SEC62: variants seen among roughly 807,000 people sequenced by gnomAD.
SEC62 encodes the protein SEC62 preprotein translocation factor, also known as translocation protein SEC62.
SEC62 carries 10 observed loss-of-function variants against 47.5 expected under a neutral mutation model. The observed-to-expected ratio is 0.21, with a 90% CI of 0.13 to 0.36. The LOEUF (loss-of-function observed/expected upper bound fraction) is 0.36. Ranked by LOEUF, SEC62 falls within the 10% of genes least tolerant of loss-of-function variation. SEC62 has a pLI of 1.00. For synonymous variants in SEC62, 136 were observed against 150.5 expected, an observed-to-expected ratio of 0.90 and a Z score of 0.71; for missense variants, 327 against 464.1, an observed-to-expected ratio of 0.70 and a Z score of 2.71.
intron 4 of SEC62, 68 bp from the exon 5 acceptor site, chr3:169,983,093 T>G (rs1715020169): frequency 1.4e-6 from 2 of 1,468,718 alleles, no homozygotes; most frequent in Non-Finnish European, 1.9e-6. Flanking sequence ...GAAAGTTTTT[T>G]GACTGTATGA....
intron 1 of SEC62, among the ~76,000 whole-genome samples, chr3:169,967,700 C>T (rs979002305): frequency 3.9e-5 from 6 of 152,138 alleles, no homozygotes; most frequent in Non-Finnish European, 8.8e-5. Context: ...ACATCTTGGA[C>T]TCAGGATATT....
intron 7 of SEC62, among the ~76,000 whole-genome samples, chr3:169,991,774 A>C (rs193179899): frequency 1.3e-5 from 2 of 152,192 alleles, no homozygotes; most frequent in African/African-American, 4.8e-5. Flanking sequence ...ATCCAGGGCT[A>C]ATTTATCCTT....
Position 169,995,543 on chromosome 3 carries a change from T to TC in SEC62, c.*2486dup, listed in dbSNP as rs1261531768. On this transcript the variant is annotated 3_prime_UTR_variant, in exon 8 of 8. Coordinates refer to ENST00000337002, the MANE Select transcript of SEC62 (RefSeq NM_003262.4). The stretch of plus-strand genomic sequence containing the variant: ...TGCAGTGGTGATGAATTTTGGTGTT[T>TC]CCCCCCTCTTTCTGGTTTTACATCA... The TC allele has an allele frequency of 3.3e-5, 5 of 152,250 alleles. No homozygotes were observed. The highest frequency in any genetic ancestry group is 3.3e-4 in the Admixed American group (5 of 15,282). 9.4% of individuals were successfully genotyped at this position (152,250 alleles called of 1,614,324 possible). A position where few individuals can be genotyped will look rare whatever the true frequency, so the allele number is the denominator to read the frequency against.
chr3:169,981,363 A>G (rs1020307071), intron 3 of SEC62, among the ~76,000 whole-genome samples: 1 of 152,238 alleles, frequency 6.6e-6, no homozygotes, highest in African/African-American at 2.4e-5. Flanking sequence ...ACATAGAAAC[A>G]TAGGTGCTTC....
intron 1 of SEC62, among the ~76,000 whole-genome samples, chr3:169,973,891 A>G (rs1007900428): frequency 5.9e-5 from 9 of 152,200 alleles, no homozygotes; most frequent in Non-Finnish European, 8.8e-5. Flanking sequence ...GACTTGCGAA[A>G]TACAAAGGAA....
chr3:169,971,122 A>G (rs1714689587), intron 1 of SEC62, among the ~76,000 whole-genome samples: 1 of 150,948 alleles, frequency 6.6e-6, no homozygotes, highest in South Asian at 2.1e-4. Context: ...CCAGGCTGGA[A>G]TGCAGTGATG....
At chr3:169,966,924 C>T (rs1478493676) in intron 1 of SEC62, 66 bp downstream of exon 1, 25 of 1,518,690 alleles carry the variant, frequency 1.6e-5, no homozygotes, top group Non-Finnish European at 2.1e-5. Context: ...CGGGGAAAGC[C>T]CCCTAAAAGG....
chr3:169,996,954 T>A lies in SEC62; in HGVS notation c.*3891T>A, dbSNP rs555647643. Reference sequence around the variant, plus strand: ...AATTCCTAGGGAACAAAAATTCCAATGAGGAATTGACCTCTTTGTCAGATC... The same window carrying A: ...AATTCCTAGGGAACAAAAATTCCAAAGAGGAATTGACCTCTTTGTCAGATC... On this transcript the variant is annotated 3_prime_UTR_variant, in exon 8 of 8. Transcript: ENST00000337002. 3.3e-5 allele frequency: 5 copies of A among 152,224 alleles called. No homozygotes were observed. Among genetic ancestry groups the A allele is most frequent in the Non-Finnish European group, 7.3e-5 (5 of 68,044 alleles). 9.4% of individuals were successfully genotyped at this position (152,224 alleles called of 1,614,324 possible).
At chr3:169,982,659 G>A in intron 3 of SEC62, 48 bp from the exon 4 acceptor site, 2 of 1,591,808 alleles carry the variant, frequency 1.3e-6, no homozygotes, top group Non-Finnish European at 1.7e-6. Context: ...TTGCTTTTCA[G>A]TCTCTATCTA....
chr3:169,991,326 G>A (rs186801454), intron 7 of SEC62, among the ~76,000 whole-genome samples: 30 of 152,280 alleles, frequency 2.0e-4, no homozygotes, highest in Non-Finnish European at 2.4e-4. Context: ...GGAGGCTGAG[G>A]TGAGAGGATC....
intron 3 of SEC62, among the ~76,000 whole-genome samples, chr3:169,979,709 C>T (rs2108283445): frequency 6.6e-6 from 1 of 152,320 alleles, no homozygotes; most frequent in African/African-American, 2.4e-5. Flanking sequence ...GGCCCTCCAG[C>T]CTTCATCAGC....
At chr3:169,971,077 T>C (rs1006923749) in intron 1 of SEC62, among the ~76,000 whole-genome samples, 2 of 151,752 alleles carry the variant, frequency 1.3e-5, no homozygotes, top group Non-Finnish European at 2.9e-5. Flanking sequence ...ACTTTTTTTT[T>C]TTTTTTTTAA....
intron 6 of SEC62, 61 bp downstream of exon 6, chr3:169,985,926 G>C (rs747782970): frequency 8.9e-7 from 1 of 1,123,300 alleles, no homozygotes; most frequent in East Asian, 2.4e-5. Context: ...ACAATATGCA[G>C]ATACTGTAAA....
intron 2 of SEC62, 142 bp downstream of exon 2, chr3:169,975,858 T>G (rs771036864): frequency 1.4e-5 from 7 of 508,058 alleles, no homozygotes; most frequent in East Asian, 9.0e-5. Context: ...ATTCTGTTCT[T>G]TTCTTTTATG....
In SEC62 at chr3:169,969,273, T is replaced by C. The variant is rs778891293; in HGVS notation, c.36+2415T>C. Reference sequence around the variant, plus strand: ...AAAAAAAAGTAGCTAATTTGCTTTTTCTTTGTAATTCAGTATAATTTCAGA... The same window carrying C: ...AAAAAAAAGTAGCTAATTTGCTTTTCCTTTGTAATTCAGTATAATTTCAGA... On this transcript the variant is annotated intron_variant, in intron 1 of 7. Coordinates refer to ENST00000337002, the MANE Select transcript of SEC62 (RefSeq NM_003262.4). 6.6e-6 allele frequency: 3 copies of C among 454,696 alleles called. No homozygotes were observed. The East Asian group carries it at 2.1e-4, about 32-fold the overall frequency. 28.2% of individuals were successfully genotyped at this position (454,696 alleles called of 1,614,324 possible). A position where few individuals can be genotyped will look rare whatever the true frequency, so the allele number is the denominator to read the frequency against.
Position 169,975,597 on chromosome 3 carries a change from A to C in SEC62, c.37-11A>C, listed in dbSNP as rs1714817553. On this transcript the variant is annotated splice_polypyrimidine_tract_variant and intron_variant, in intron 1 of 7. Transcript: ENST00000337002. ...ATATGATTATACTAAATTAATATTC[A>C]TATGTTGCAGGAAGTTGGTGAACCA... 1 of 1,525,728 alleles carries C rather than the reference A, an allele frequency of 6.6e-7. No individual in the cohort carries two copies. Among genetic ancestry groups the C allele is most frequent in the South Asian group, 1.1e-5 (1 of 89,150 alleles). 94.5% of individuals were successfully genotyped at this position (1,525,728 alleles called of 1,614,324 possible).
rs1422965554 is a variant in SEC62 at position 169,996,733 on chromosome 3, T to G, written c.*3670T>G. 4 of 152,374 alleles carry G rather than the reference T, an allele frequency of 2.6e-5. No homozygotes were observed. Among genetic ancestry groups the G allele is most frequent in the Non-Finnish European group, 4.4e-5 (3 of 68,166 alleles). The allele number at this position is 152,374 out of a possible 1,614,324, so 9.4% of individuals were successfully genotyped here. A position where few individuals can be genotyped will look rare whatever the true frequency, so the allele number is the denominator to read the frequency against. On this transcript the variant is annotated 3_prime_UTR_variant, in exon 8 of 8. Transcript: ENST00000337002. Reference sequence around the variant, plus strand: ...GGTCACTTCTCCCAAACTCCTTCCCTGCTTTCCAGGTTGCCAGTCCCTGCA... The same window carrying G: ...GGTCACTTCTCCCAAACTCCTTCCCGGCTTTCCAGGTTGCCAGTCCCTGCA...
At chr3:169,983,064 T>C in intron 4 of SEC62, 97 bp from the exon 5 acceptor site, 2 of 1,455,198 alleles carry the variant, frequency 1.4e-6, no homozygotes, top group Non-Finnish European at 1.9e-6. Flanking sequence ...TTTTTATTTC[T>C]GTGTTACAAA....
At chr3:169,982,652 C>A in intron 3 of SEC62, 55 bp from the exon 4 acceptor site, 1 of 1,585,016 alleles carries the variant, frequency 6.3e-7, no homozygotes. Flanking sequence ...GATATTTTTG[C>A]TTTTCAGTCT....
Sources: gnomAD v4.1 joint callset for allele counts (sites outside exome capture counted in the v4.1 genomes callset) on GRCh38, gnomAD v4.1.1 for gene constraint, MANE v1.5 for transcripts, NCBI Gene and HGNC (gene_info 2026-07-23, HGNC 2026-07-21) for gene names.